The following FSTL5 variants were observed in gnomAD, a reference collection of about 807,000 sequenced individuals.
FSTL5 encodes follistatin like 5, also known as follistatin-related protein 5.
In FSTL5, 62 loss-of-function variants were observed where a neutral mutation model predicts 89.1. The ratio of observed to expected loss-of-function variants is 0.70; its 90% confidence interval spans 0.57 to 0.86. The LOEUF (loss-of-function observed/expected upper bound fraction) is 0.86, where lower values mean the gene tolerates loss of function less well. Among genes scored for constraint, FSTL5 ranks in the 40% least tolerant of loss-of-function variants. FSTL5 has a pLI of 0.00. For synonymous variants in FSTL5, 383 were observed against 346.2 expected, an observed-to-expected ratio of 1.11 and a Z score of -1.18; for missense variants, 1,057 against 1,001.6, an observed-to-expected ratio of 1.06 and a Z score of -0.75.
At position 162,043,200 on chromosome 4, in the gene FSTL5, A is replaced by G. The variant is rs566639419; in HGVS notation, c.127-9542T>C. The G allele has an allele frequency of 7.2e-5, 11 of 152,308 alleles. No homozygotes were observed. The South Asian group carries it at 2.1e-3, about 29-fold the overall frequency. 9.4% of individuals were successfully genotyped at this position (152,308 alleles called of 1,614,324 possible). On this transcript the variant is annotated intron_variant, in intron 2 of 15. Transcript: ENST00000306100. The stretch of plus-strand genomic sequence containing the variant: ...TCTTACAGCATTATTGTTTTGTACT[A>G]CTAAGCTTTGACACGAACTATGGGG...
intron 3 of FSTL5, among the ~76,000 whole-genome samples, chr4:161,935,431 A>G (rs1734405304): frequency 6.6e-6 from 1 of 152,156 alleles, no homozygotes; most frequent in Non-Finnish European, 1.5e-5. Context: ...ATACTGATTC[A>G]GTTCCATCTT....
At position 161,784,895 on chromosome 4, in the gene FSTL5, A is replaced by AAAAAAAAACAAAACAAAAC. The variant is rs1553965825; in HGVS notation, c.410-8822_410-8821insGTTTTGTTTTGTTTTTTTT. On this transcript the variant is annotated intron_variant, in intron 4 of 15. Transcript: ENST00000306100. ...GCGACAGAGCAAGACTCCGTCTCAA[A>AAAAAAAAACAAAACAAAAC]AAAAACAAAAACAAACAAACAAAAA... Among the ~76,000 whole-genome samples the AAAAAAAAACAAAACAAAAC allele has an allele frequency of 1.4e-5, 2 of 141,964 alleles. 1 individual carries two copies. The highest frequency in any genetic ancestry group is 5.3e-5 in the African/African-American group (2 of 37,664). The allele number at this position is 141,964 out of a possible 152,430, so 93.1% of individuals were successfully genotyped here.
At chr4:161,527,721 G>T (rs1360424033) in intron 10 of FSTL5, among the ~76,000 whole-genome samples, 1 of 151,660 alleles carries the variant, frequency 6.6e-6, no homozygotes, top group Non-Finnish European at 1.5e-5. Flanking sequence ...TTCAACCATT[G>T]TGGAAGTCAG....
intron 3 of FSTL5, among the ~76,000 whole-genome samples, chr4:161,975,908 G>T (rs1735628662): frequency 6.6e-6 from 1 of 150,892 alleles, no homozygotes. Flanking sequence ...GAGGCCAGGA[G>T]ACCGAGACCA....
At chr4:161,959,431 T>C (rs753124482) in intron 3 of FSTL5, among the ~76,000 whole-genome samples, 2 of 152,086 alleles carry the variant, frequency 1.3e-5, no homozygotes, top group African/African-American at 2.4e-5. Context: ...CCTCAGATAG[T>C]TACATATGCT....
intron 3 of FSTL5, 116 bp downstream of exon 3, chr4:162,033,508 AT>A (rs1237910083): frequency 1.7e-6 from 1 of 600,692 alleles, no homozygotes; most frequent in Non-Finnish European, 2.9e-6. Flanking sequence ...CACACTGAAT[AT>A]TTTTAATTAT....
chr4:162,103,483 TG>T (rs1339306472), intron 2 of FSTL5, among the ~76,000 whole-genome samples: 2 of 152,286 alleles, frequency 1.3e-5, no homozygotes, highest in East Asian at 1.9e-4. Context: ...CAGTTCTCCA[TG>T]GGTCTCTAAT....
At chr4:161,789,675 A>G (rs1219890938) in intron 4 of FSTL5, among the ~76,000 whole-genome samples, 1 of 152,166 alleles carries the variant, frequency 6.6e-6, no homozygotes, top group Non-Finnish European at 1.5e-5. Flanking sequence ...GTTCATTTCT[A>G]TCCACATGAT....
intron 4 of FSTL5, among the ~76,000 whole-genome samples, chr4:161,916,286 C>A (rs1733836057): frequency 6.6e-6 from 1 of 152,044 alleles, no homozygotes; most frequent in South Asian, 2.1e-4. Flanking sequence ...AGGTTTAAAT[C>A]CCTTTTCATT....
At chr4:161,838,309 T>C (rs1455496893) in intron 4 of FSTL5, among the ~76,000 whole-genome samples, 3 of 152,148 alleles carry the variant, frequency 2.0e-5, no homozygotes, top group Admixed American at 2.0e-4. Context: ...TATTAAAATG[T>C]TTTCTGCTGC....
intron 2 of FSTL5, among the ~76,000 whole-genome samples, chr4:162,101,322 A>C (rs1730989488): frequency 6.6e-6 from 1 of 152,210 alleles, no homozygotes; most frequent in African/African-American, 2.4e-5. Flanking sequence ...GTATTTAAGA[A>C]CTTGATTTGA....
intron 4 of FSTL5, among the ~76,000 whole-genome samples, chr4:161,899,263 C>A (rs542480628): frequency 5.3e-5 from 8 of 152,130 alleles, no homozygotes; most frequent in African/African-American, 1.7e-4. Context: ...AAAATATCAT[C>A]CCGATGGTAG....
chr4:162,096,416 G>A (rs890427533), intron 2 of FSTL5, among the ~76,000 whole-genome samples: 2 of 151,322 alleles, frequency 1.3e-5, no homozygotes, highest in Non-Finnish European at 3.0e-5. Flanking sequence ...CTTATATATT[G>A]TAATAGATAT....
At chr4:161,843,923 A>G (rs1292539076) in intron 4 of FSTL5, among the ~76,000 whole-genome samples, 1 of 152,208 alleles carries the variant, frequency 6.6e-6, no homozygotes, top group African/African-American at 2.4e-5. Context: ...AGCAATTACA[A>G]CAAAAGACAA....
intron 3 of FSTL5, among the ~76,000 whole-genome samples, chr4:162,021,287 T>C (rs186218252): frequency 1.3e-5 from 2 of 152,158 alleles, no homozygotes; most frequent in African/African-American, 4.8e-5. Context: ...ATAGGATTCA[T>C]AGGGATAATT....
chr4:161,583,855 T>C lies in FSTL5; in HGVS notation c.1015+3600A>G, dbSNP rs116055590. 4.2e-3 allele frequency among the ~76,000 whole-genome samples: 637 copies of C among 152,270 alleles called. 1 individual carries two copies. The highest frequency in any genetic ancestry group is 7.1e-3 in the Non-Finnish European group (481 of 68,018). On this transcript the variant is annotated intron_variant, in intron 8 of 15. Transcript: ENST00000306100. ...AGTACCTCATTCTAGTAATATTTGA[T>C]CCTTGGGAACACCAGTCCATTTTCA...
intron 8 of FSTL5, among the ~76,000 whole-genome samples, chr4:161,544,210 G>T (rs1202611479): frequency 1.3e-5 from 2 of 151,906 alleles, no homozygotes; most frequent in Admixed American, 1.3e-4. Context: ...CTCTAGAATG[G>T]CTATTTAAAC....
intron 1 of FSTL5, among the ~76,000 whole-genome samples, 177 bp downstream of exon 1, chr4:162,163,438 T>C (rs1186556384): frequency 2.3e-5 from 1 of 42,616 alleles, no homozygotes; most frequent in Non-Finnish European, 4.3e-5. Context: ...GATTGTCTTG[T>C]AATAATAATA....
chr4:161,810,159 G>T (rs1411124188), intron 4 of FSTL5, among the ~76,000 whole-genome samples: 1 of 151,892 alleles, frequency 6.6e-6, no homozygotes, highest in Non-Finnish European at 1.5e-5. Flanking sequence ...AAAAATATGA[G>T]TAATTGCAAA....
Sources: gnomAD v4.1 joint callset for allele counts (sites outside exome capture counted in the v4.1 genomes callset) on GRCh38, gnomAD v4.1.1 for gene constraint, MANE v1.5 for transcripts, NCBI Gene and HGNC (gene_info 2026-07-23, HGNC 2026-07-21) for gene names.